The following NEB variants were observed in gnomAD, a reference collection of about 807,000 sequenced individuals.
The protein encoded by NEB is nebulin.
Under a neutral mutation model 952.2 loss-of-function variants are expected in NEB, and 512 were observed. The ratio of observed to expected loss-of-function variants is 0.54; its 90% CI spans 0.50 to 0.58. The LOEUF (loss-of-function observed/expected upper bound fraction) is 0.58, where lower values mean the gene tolerates loss of function less well. Ranked by LOEUF, NEB falls within the 20% of genes least tolerant of loss-of-function variation. The pLI is 0.00. For missense variants in NEB, 8,428 were observed against 9,231.1 expected, an observed-to-expected ratio of 0.91 and a Z score of 3.56; for synonymous variants, 2,900 against 3,149.8, an observed-to-expected ratio of 0.92 and a Z score of 2.66.
rs1027556250 is a variant in NEB, at chr2:151,553,472, T to G, written c.19657A>C (p.Lys6553Gln). The change falls in exon 127 of 182, where the codon AAA becomes CAA. Residue 6553 changes from lysine to glutamine, a missense_variant. Lys to Gln is a moderately conservative substitution (Grantham distance 53). Coordinates refer to ENST00000397345, the MANE Select transcript of NEB (RefSeq NM_001164508.2). ...TCCCAGACGTAGCAACCAATGCCTTTCAGCCAGTTGAGGTCATCCTTGTAT... is the reference window on the plus strand; with the variant it reads ...TCCCAGACGTAGCAACCAATGCCTTGCAGCCAGTTGAGGTCATCCTTGTAT... ...IVYKDDLNWL[K>Q]GIGCYVWDTP... 6.2e-7 allele frequency: 1 copy of G among 1,613,650 alleles called. No individual in the cohort carries two copies. The highest frequency in any genetic ancestry group is 2.2e-5 in the East Asian group (1 of 44,866).
At chr2:151,706,568 C>T (rs930260710) in intron 13 of NEB, among the ~76,000 whole-genome samples, 1 of 152,126 alleles carries the variant, frequency 6.6e-6, no homozygotes, top group African/African-American at 2.4e-5. Flanking sequence ...AATCACAACA[C>T]GTCTGCAATG....
intron 39 of NEB, 123 bp from the exon 40 acceptor site, chr2:151,668,034 A>T: frequency 1.5e-6 from 1 of 680,956 alleles, no homozygotes; most frequent in Non-Finnish European, 2.4e-6. Flanking sequence ...CAATCTATGA[A>T]GTTAGGACTA....
chr2:151,711,905 T>G (rs2099746492), intron 10 of NEB, among the ~76,000 whole-genome samples: 1 of 152,196 alleles, frequency 6.6e-6, no homozygotes, highest in Non-Finnish European at 1.5e-5. Context: ...AAATCTTTGC[T>G]GAGATAAGAT....
At chr2:151,522,613 C>T (rs968595251) in intron 153 of NEB, among the ~76,000 whole-genome samples, 5 of 152,164 alleles carry the variant, frequency 3.3e-5, no homozygotes, top group East Asian at 1.9e-4. Context: ...GCAATCTACA[C>T]GTTCCAACAC....
Position 151,674,521 on chromosome 2 carries a change from T to C in NEB, c.3943A>G (p.Ile1315Val). ...GATGCCTTGGCTGCAGTGATGGGAATAGCATCGCCCAGCACATTGTTGCCC... is the reference window on the plus strand; with the variant it reads ...GATGCCTTGGCTGCAGTGATGGGAACAGCATCGCCCAGCACATTGTTGCCC... ...AKGNNVLGDA[I>V]PITAAKASRN... The change falls in exon 36 of 182, where the codon ATT becomes GTT. Residue 1315 changes from isoleucine to valine, a missense_variant. Around this residue, in one of 11 missense-constraint regions of NEB, gnomAD observed 2,851 missense variants for 2,791.5 expected, o/e 1.02. Coordinates refer to ENST00000397345, the MANE Select transcript of NEB (RefSeq NM_001164508.2). 1.2e-6 allele frequency: 2 copies of C among 1,614,030 alleles called. No individual in the cohort carries two copies. The highest frequency in any genetic ancestry group is 1.7e-6 in the Non-Finnish European group (2 of 1,179,876).
At chr2:151,502,734 GTGT>G in intron 167 of NEB, 56 bp downstream of exon 167, 1 of 888,316 alleles carries the variant, frequency 1.1e-6, no homozygotes, top group Non-Finnish European at 1.8e-6. Context: ...CATTTGTAAG[GTGT>G]TATTATTTTA....
Position 151,633,896 on chromosome 2 carries a change from G to T in NEB, c.9172C>A (p.Pro3058Thr). 6.2e-7 allele frequency: 1 copy of T among 1,613,936 alleles called. No homozygotes were observed. The highest frequency in any genetic ancestry group is 8.5e-7 in the Non-Finnish European group (1 of 1,179,870). ...ACGTGCATGGACCACATCATCTTGG[G>T]GTCATCTTCAATGTTCCGGGCTCCA... ...HIGARNIEDD[P>T]KMMWSMHVAK... is the part of the protein sequence containing the mutation. Residue 3058 changes from proline to threonine, a missense_variant, in exon 65 of 182, where the codon CCC becomes ACC. This residue lies in a region of NEB where 1,772 missense variants were observed against 1,960.3 expected (regional missense o/e 0.90). Transcript: ENST00000397345.
Position 151,625,604 on chromosome 2 carries a change from G to T in NEB, c.10382C>A (p.Thr3461Asn), listed in dbSNP as rs1003683269. Reference sequence around the variant, plus strand: ...TGTATCAGGCATAATATGGACTTGGGTCTTGTCTTTGTCCCAGGCTTCTGT... The same window carrying T: ...TGTATCAGGCATAATATGGACTTGGTTCTTGTCTTTGTCCCAGGCTTCTGT... The part of the protein sequence containing the change: ...LYTEAWDKDK[T>N]QVHIMPDTPE... The change falls in exon 71 of 182, where the codon ACC (threonine) becomes AAC (asparagine). Residue 3461 changes from threonine (T) to asparagine (N), a missense_variant. By Grantham distance (65) the Thr-to-Asn change is moderately conservative. Coordinates refer to ENST00000397345, the MANE Select transcript of NEB (RefSeq NM_001164508.2). 26 of 1,605,888 alleles carry T rather than the reference G, an allele frequency of 1.6e-5. No individual in the cohort carries two copies. Among genetic ancestry groups the T allele is most frequent in the Non-Finnish European group, 1.8e-5 (21 of 1,174,542 alleles).
intron 11 of NEB, among the ~76,000 whole-genome samples, chr2:151,710,062 T>C (rs1436399944): frequency 6.6e-6 from 1 of 152,220 alleles, no homozygotes; most frequent in Non-Finnish European, 1.5e-5. Flanking sequence ...AATAGACTTA[T>C]GTTTTCCAGT....
At chr2:151,613,081 G>A (rs1432836283) in intron 77 of NEB, among the ~76,000 whole-genome samples, 1 of 151,996 alleles carries the variant, frequency 6.6e-6, no homozygotes, top group Non-Finnish European at 1.5e-5. Context: ...ATGGCTTTCA[G>A]GGAATCTCTC....
Position 151,576,827 on chromosome 2 carries a change from G to A in NEB, c.16705-473C>T, listed in dbSNP as rs1007399775. On this transcript the variant is annotated intron_variant, in intron 105 of 181. Transcript: ENST00000397345. ...TGGGATTACAGGCATGAGCCACTACGCCAGGCCTCTTTTATTTTATCTTCC... is the reference window on the plus strand; with the variant it reads ...TGGGATTACAGGCATGAGCCACTACACCAGGCCTCTTTTATTTTATCTTCC... Among the ~76,000 whole-genome samples the A allele has an allele frequency of 3.3e-5, 5 of 151,912 alleles. No homozygotes were observed. In the East Asian group the frequency reaches 7.8e-4, roughly 24 times the overall value.
At chr2:151,538,887 C>T (rs1327216116) in intron 138 of NEB, among the ~76,000 whole-genome samples, 1 of 152,200 alleles carries the variant, frequency 6.6e-6, no homozygotes, top group East Asian at 1.9e-4. Context: ...CTTCTCTGCA[C>T]AACCTATTTT....
intron 76 of NEB, among the ~76,000 whole-genome samples, chr2:151,615,587 G>A: frequency 6.6e-6 from 1 of 152,196 alleles, no homozygotes; most frequent in Non-Finnish European, 1.5e-5. Context: ...ATAAATAGAA[G>A]TAGTAAGGAA....
At chr2:151,508,827 G>T (rs541504956) in intron 161 of NEB, among the ~76,000 whole-genome samples, 1 of 152,248 alleles carries the variant, frequency 6.6e-6, no homozygotes, top group Non-Finnish European at 1.5e-5. Flanking sequence ...CTGGAGAGAC[G>T]TGTCCATATA....
chr2:151,727,715 C>T lies in NEB; in HGVS notation c.270G>A (p.Gln90=). The change falls in exon 5 of 182, where the codon CAG becomes CAA. Residue 90 remains glutamine (Q), a synonymous_variant. Transcript: ENST00000397345. ...CTGGGCTAAAAAGATCCTGCATTTT[C>T]TGACTGTGTGCAATGTAGGGGGTCA... ...KFMTPYIAHS[Q]KMQDLFSPNK... 3 of 1,613,326 alleles carry T rather than the reference C, an allele frequency of 1.9e-6. No homozygotes were observed. In the South Asian group the frequency reaches 3.3e-5, roughly 18 times the overall value.
In NEB at chr2:151,501,440, A is replaced by G; in HGVS notation, c.23972T>C (p.Val7991Ala). ...ENLSKGTPLPVTPEMERVKLN... is the reference protein window; with the variant it reads ...ENLSKGTPLPATPEMERVKLN... ...TTTGACTCGCTCCATCTCAGGAGTG[A>G]CAGGTAGGGGAGTCCCCTTGCTCAA... The change falls in exon 168 of 182, where the codon GTC becomes GCC. Residue 7991 changes from valine (V) to alanine (A), a missense_variant. Transcript: ENST00000397345. 1 of 1,546,830 alleles carries G rather than the reference A, an allele frequency of 6.5e-7. No individual in the cohort carries two copies.
At chr2:151,681,265 T>C (rs559226181) in intron 29 of NEB, among the ~76,000 whole-genome samples, 8 of 152,264 alleles carry the variant, frequency 5.3e-5, no homozygotes, top group African/African-American at 1.9e-4. Context: ...AGCTGTCCGG[T>C]TGAGGAAGGA....
At position 151,537,961 on chromosome 2, in the gene NEB, T is replaced by A; in HGVS notation, c.21013A>T (p.Asn7005Tyr). 1 of 1,613,092 alleles carries A rather than the reference T, an allele frequency of 6.2e-7. No homozygotes were observed. The highest frequency in any genetic ancestry group is 8.5e-7 in the Non-Finnish European group (1 of 1,179,284). The change falls in exon 140 of 182, where the codon AAC (asparagine) becomes TAC (tyrosine). Residue 7005 changes from asparagine (N) to tyrosine (Y), a missense_variant. This residue lies in a region of NEB where 3,374 missense variants were observed against 3,651.5 expected (regional missense o/e 0.92). Transcript: ENST00000397345. ...CAGATACCCAACTGGCTCATGTAGT[T>A]CTCCTTGTATTTTATCTGTTATAAA... ...DDISKIKYKE[N>Y]YMSQLGIWRS...
chr2:151,616,568 C>G (rs952162977), intron 75 of NEB, among the ~76,000 whole-genome samples: 2 of 152,020 alleles, frequency 1.3e-5, no homozygotes, highest in Non-Finnish European at 2.9e-5. Context: ...GTAGCATGCA[C>G]CTGCAATCCC....
Sources: gnomAD v4.1 joint callset for allele counts (sites outside exome capture counted in the v4.1 genomes callset) on GRCh38, gnomAD v4.1.1 for gene constraint, gnomAD v4.1.1 regional missense constraint, MANE v1.5 for transcripts, NCBI Gene and HGNC (gene_info 2026-07-23, HGNC 2026-07-21) for gene names.